SCHIP1: variants seen among roughly 807,000 people sequenced by gnomAD.
SCHIP1 encodes schwannomin-interacting protein 1.
Under a neutral mutation model 29.7 loss-of-function variants are expected in SCHIP1, and 8 were observed. The ratio of observed to expected loss-of-function variants is 0.27; its 90% confidence interval spans 0.16 to 0.49. The LOEUF (loss-of-function observed/expected upper bound fraction) is 0.49. SCHIP1 is among the 20% of genes least tolerant of loss of function. The pLI, the probability that SCHIP1 is intolerant of heterozygous loss-of-function variation, is 0.99. For synonymous variants in SCHIP1, 76 were observed against 94.9 expected (o/e 0.80, Z 1.16); for missense variants, 193 against 294.6 (o/e 0.66, Z 2.52).
the SCHIP1 span, among the ~76,000 whole-genome samples, chr3:159,427,886 C>T: frequency 2.6e-4 from 39 of 151,662 alleles, no homozygotes; most frequent in South Asian, 3.1e-3. Flanking sequence ...TCAGAAATAA[C>T]GCCGCATATC....
At chr3:159,810,509 C>G in the SCHIP1 span, among the ~76,000 whole-genome samples, 2 of 152,204 alleles carry the variant, frequency 1.3e-5, no homozygotes, top group Admixed American at 6.5e-5. Context: ...ACCACCGATC[C>G]ACTGTCTTTA....
chr3:159,711,393 A>G, the SCHIP1 span, among the ~76,000 whole-genome samples: 1 of 80,486 alleles, frequency 1.2e-5, no homozygotes, highest in East Asian at 3.3e-4. Flanking sequence ...AAAAAAAAAA[A>G]AAAAGAAATT....
the SCHIP1 span, among the ~76,000 whole-genome samples, chr3:159,686,929 T>C: frequency 2.3e-3 from 344 of 152,300 alleles, 2 homozygotes; most frequent in African/African-American, 7.9e-3. Flanking sequence ...CTCTGTTCTG[T>C]ACTAACCCTG....
chr3:159,690,914 G>A, the SCHIP1 span, among the ~76,000 whole-genome samples: 1 of 152,172 alleles, frequency 6.6e-6, no homozygotes, highest in Non-Finnish European at 1.5e-5. Flanking sequence ...TTTTGTGTGA[G>A]TTTCTTAATC....
chr3:159,429,827 C>T, the SCHIP1 span, among the ~76,000 whole-genome samples: 1 of 152,144 alleles, frequency 6.6e-6, no homozygotes, highest in South Asian at 2.1e-4. Flanking sequence ...ACAGATAAAG[C>T]CTCTGAAGAA....
the SCHIP1 span, among the ~76,000 whole-genome samples, chr3:159,530,445 G>A: frequency 2.1e-4 from 32 of 152,030 alleles, no homozygotes; most frequent in Admixed American, 1.7e-3. Context: ...AAGGTTGAGT[G>A]TCAGCCCCTC....
At chr3:159,736,727 G>A in the SCHIP1 span, among the ~76,000 whole-genome samples, 1 of 150,626 alleles carries the variant, frequency 6.6e-6, no homozygotes, top group East Asian at 1.9e-4. Context: ...TGTAATACAA[G>A]CCCATATTCT....
At chr3:159,890,165 A>G (rs749076734) in intron 5 of SCHIP1, among the ~76,000 whole-genome samples, 21 of 152,154 alleles carry the variant, frequency 1.4e-4, no homozygotes, top group Non-Finnish European at 1.5e-4. Context: ...GCATTTACAG[A>G]TAAAATAATG....
the SCHIP1 span, among the ~76,000 whole-genome samples, chr3:159,750,315 ACACACG>A: frequency 2.7e-5 from 4 of 149,840 alleles, no homozygotes; most frequent in Non-Finnish European, 5.9e-5. Flanking sequence ...ACACACACAC[ACACACG>A]TATACATATA....
the SCHIP1 span, among the ~76,000 whole-genome samples, chr3:159,331,157 C>T: frequency 1.1e-4 from 16 of 152,094 alleles, no homozygotes; most frequent in South Asian, 2.1e-4. Context: ...AGGAGTTCGT[C>T]GTGAGGCAGA....
At chr3:159,703,911 C>T in the SCHIP1 span, among the ~76,000 whole-genome samples, 740 of 152,256 alleles carry the variant, frequency 4.9e-3, 10 homozygotes, top group Admixed American at 0.022. Flanking sequence ...CCCTCTCATC[C>T]CCACAATTAA....
chr3:159,786,478 TAG>T, the SCHIP1 span, among the ~76,000 whole-genome samples: 65 of 152,344 alleles, frequency 4.3e-4, no homozygotes, highest in African/African-American at 1.4e-3. Context: ...TAATTCCTAT[TAG>T]AGGTATTGGC....
the SCHIP1 span, among the ~76,000 whole-genome samples, chr3:159,786,693 G>GTGTGTA: frequency 0.23 from 34,399 of 146,860 alleles, 4,336 homozygotes; most frequent in East Asian, 0.42. Context: ...GTGTGTGTGT[G>GTGTGTA]TGTCTGCGCG....
At chr3:159,360,798 C>A in the SCHIP1 span, among the ~76,000 whole-genome samples, 1 of 152,010 alleles carries the variant, frequency 6.6e-6, no homozygotes, top group Non-Finnish European at 1.5e-5. Context: ...AGCTTTATTC[C>A]ATAATCCTTT....
At chr3:159,356,512 GA>G in the SCHIP1 span, among the ~76,000 whole-genome samples, 1 of 152,080 alleles carries the variant, frequency 6.6e-6, no homozygotes. Flanking sequence ...AGAGAAACCT[GA>G]AAAAACTTTG....
At chr3:159,606,022 C>A in the SCHIP1 span, among the ~76,000 whole-genome samples, 7 of 152,182 alleles carry the variant, frequency 4.6e-5, no homozygotes, top group Non-Finnish European at 8.8e-5. Context: ...AGAAAGCACT[C>A]GAACTGTGAC....
the SCHIP1 span, among the ~76,000 whole-genome samples, chr3:159,772,220 G>A: frequency 0.077 from 11,685 of 152,054 alleles, 1,464 homozygotes; most frequent in African/African-American, 0.26. Context: ...GCACAATCTC[G>A]ACTCGCTGCA....
the SCHIP1 span, among the ~76,000 whole-genome samples, chr3:159,636,485 T>G: frequency 6.6e-6 from 1 of 152,324 alleles, no homozygotes; most frequent in Non-Finnish European, 1.5e-5. Flanking sequence ...AGGAAGAAAT[T>G]AGACTTTTTT....
the SCHIP1 span, among the ~76,000 whole-genome samples, chr3:159,767,648 C>T: frequency 5.9e-5 from 9 of 152,094 alleles, no homozygotes; most frequent in Non-Finnish European, 1.0e-4. Context: ...TAAGCCTATT[C>T]CTACTTCAGG....
Sources: allele counts gnomAD v4.1 joint callset (sites outside exome capture counted in the v4.1 genomes callset), GRCh38; gene constraint gnomAD v4.1.1; transcripts MANE v1.5; gene names NCBI Gene and HGNC (gene_info 2026-07-23, HGNC 2026-07-21).